Variants in ZNF654 observed in about 807,000 individuals in gnomAD.
ZNF654 encodes the protein zinc finger protein 654.
In ZNF654, 19 loss-of-function variants were observed where a neutral mutation model predicts 95.3. The ratio of observed to expected loss-of-function variants is 0.20; its 90% CI spans 0.14 to 0.29. The LOEUF (loss-of-function observed/expected upper bound fraction) is 0.29. Among genes scored for constraint, ZNF654 ranks in the 10% least tolerant of loss-of-function variants. The pLI is 1.00. For synonymous variants in ZNF654, 413 were observed against 457.9 expected (o/e 0.90, Z 1.25); for missense variants, 1,046 against 1,341.0 (o/e 0.78, Z 3.44).
intron 6 of ZNF654, among the ~76,000 whole-genome samples, chr3:88,132,328 A>C (rs1032876576): frequency 3.3e-5 from 5 of 152,148 alleles, no homozygotes; most frequent in Non-Finnish European, 5.9e-5. Context: ...ATTAGTAGTT[A>C]ATAGGGTCTT....
At position 88,059,439 on chromosome 3, in the gene ZNF654, T is replaced by TGGCAGCGGCAACTGCGGCGGCGGC; in HGVS notation, c.122_145dup (p.Gly41_Gly48dup). The TGGCAGCGGCAACTGCGGCGGCGGC allele has an allele frequency of 6.6e-7, 1 of 1,521,192 alleles. No individual in the cohort carries two copies. Among genetic ancestry groups the TGGCAGCGGCAACTGCGGCGGCGGC allele is most frequent in the Non-Finnish European group, 8.8e-7 (1 of 1,141,738 alleles). 94.2% of individuals were successfully genotyped at this position (1,521,192 alleles called of 1,614,324 possible). A position where few individuals can be genotyped will look rare whatever the true frequency, so the allele number is the denominator to read the frequency against. On this transcript the variant is annotated inframe_insertion, in exon 1 of 9. Coordinates refer to ENST00000636215, the MANE Select transcript of ZNF654 (RefSeq NM_001350134.2). ...CTGCGGGCGACGGCAGAGGCGGCGCTGGCAGCGGCAACTGCGGCGGCGGCG... is the reference window on the plus strand; with the variant it reads ...CTGCGGGCGACGGCAGAGGCGGCGCTGGCAGCGGCAACTGCGGCGGCGGCGGCAGCGGCAACTGCGGCGGCGGCG...
At chr3:88,121,776 T>G (rs1296600753) in intron 3 of ZNF654, among the ~76,000 whole-genome samples, 1 of 152,204 alleles carries the variant, frequency 6.6e-6, no homozygotes, top group Non-Finnish European at 1.5e-5. Context: ...TTAACCATAT[T>G]GAAGACCTTT....
At chr3:88,064,671 C>G (rs1192787129) in intron 1 of ZNF654, among the ~76,000 whole-genome samples, 1 of 152,132 alleles carries the variant, frequency 6.6e-6, no homozygotes, top group African/African-American at 2.4e-5. Context: ...CAGTTACCAC[C>G]CATCCATCTA....
At chr3:88,095,468 C>A in intron 2 of ZNF654, 1 of 392,304 alleles carries the variant, frequency 2.5e-6, no homozygotes, top group South Asian at 2.0e-5. Context: ...CATGCAACAT[C>A]AGTCTCTCTT....
chr3:88,134,186 C>G (rs748115660), intron 6 of ZNF654, among the ~76,000 whole-genome samples: 9 of 151,724 alleles, frequency 5.9e-5, no homozygotes, highest in African/African-American at 1.9e-4. Flanking sequence ...GGTTTTACTA[C>G]TCATATGTTG....
chr3:88,128,917 T>C lies in ZNF654; in HGVS notation c.659T>C (p.Ile220Thr). Residue 220 changes from isoleucine to threonine, a missense_variant, in exon 5 of 9, where the codon ATA becomes ACA. By Grantham distance (89) the Ile-to-Thr change is moderately conservative. Coordinates refer to ENST00000636215, the MANE Select transcript of ZNF654 (RefSeq NM_001350134.2). The stretch of plus-strand genomic sequence containing the variant: ...GCAATGGCTCTTATTAAATCTTGTA[T>C]AAATCACCCAGAAATCAGTAAAGAC... ...PEAMALIKSC[I>T]NHPEISKDLY... 1 of 1,535,674 alleles carries C rather than the reference T, an allele frequency of 6.5e-7. No individual in the cohort carries two copies. The highest frequency in any genetic ancestry group is 8.7e-7 in the Non-Finnish European group (1 of 1,146,580).
chr3:88,073,377 G>A (rs779221379), intron 1 of ZNF654, among the ~76,000 whole-genome samples: 4 of 152,118 alleles, frequency 2.6e-5, no homozygotes, highest in Admixed American at 6.6e-5. Context: ...AATTCTGTGG[G>A]ATAATACAGC....
At chr3:88,105,419 A>G (rs370473601) in intron 2 of ZNF654, among the ~76,000 whole-genome samples, 38 of 152,240 alleles carry the variant, frequency 2.5e-4, no homozygotes, top group East Asian at 9.6e-4. Flanking sequence ...TAGTCAGTCA[A>G]TTTGTCCTCT....
rs1707219522 is a variant in ZNF654, at chr3:88,143,405, CT to C, written c.*1754del. ...ATTAAAATCTTTTCTTTAAGGTCAG[CT>C]AAAAAAAATGTTTCCTGTATTTCTT... is the stretch of plus-strand genomic sequence containing the variant. On this transcript the variant is annotated 3_prime_UTR_variant, in exon 9 of 9. Coordinates refer to ENST00000636215, the MANE Select transcript of ZNF654 (RefSeq NM_001350134.2). The C allele has an allele frequency of 1.3e-5, 2 of 151,970 alleles. No homozygotes were observed. The highest frequency in any genetic ancestry group is 4.2e-4 in the South Asian group (2 of 4,812). The allele number at this position is 151,970 out of a possible 1,614,324, so 9.4% of individuals were successfully genotyped here.
chr3:88,060,772 A>AT (rs1706830952), intron 1 of ZNF654, among the ~76,000 whole-genome samples: 4 of 151,932 alleles, frequency 2.6e-5, no homozygotes, highest in Admixed American at 2.0e-4. Flanking sequence ...CTTGTAAGGG[A>AT]TTTTTTCAAT....
At chr3:88,087,166 C>T (rs185055227) in intron 2 of ZNF654, among the ~76,000 whole-genome samples, 2 of 152,246 alleles carry the variant, frequency 1.3e-5, no homozygotes, top group African/African-American at 4.8e-5. Context: ...GCAACCTCTA[C>T]CTCCCAGGTT....
intron 2 of ZNF654, among the ~76,000 whole-genome samples, chr3:88,090,676 G>C (rs1428894895): frequency 1.3e-5 from 2 of 152,128 alleles, no homozygotes; most frequent in African/African-American, 2.4e-5. Flanking sequence ...TTCACTCACT[G>C]ACACACCTAT....
intron 3 of ZNF654, among the ~76,000 whole-genome samples, chr3:88,121,227 C>T (rs554875871): frequency 2.0e-5 from 3 of 152,162 alleles, no homozygotes; most frequent in African/African-American, 7.2e-5. Context: ...ATTTGTATTC[C>T]TAAAGTCAAT....
At chr3:88,082,106 C>T (rs965088860) in intron 1 of ZNF654, among the ~76,000 whole-genome samples, 3 of 151,784 alleles carry the variant, frequency 2.0e-5, no homozygotes, top group Non-Finnish European at 2.9e-5. Context: ...GTAATTGTGA[C>T]ACGTCTTCTG....
intron 1 of ZNF654, among the ~76,000 whole-genome samples, chr3:88,075,311 T>C (rs891360075): frequency 6.6e-6 from 1 of 152,194 alleles, no homozygotes; most frequent in African/African-American, 2.4e-5. Context: ...TGTGTTCTGC[T>C]CTTGCATCTG....
chr3:88,081,796 T>C (rs535229298), intron 1 of ZNF654, among the ~76,000 whole-genome samples: 12 of 152,332 alleles, frequency 7.9e-5, no homozygotes, highest in African/African-American at 2.2e-4. Flanking sequence ...GTTCCTTTTA[T>C]TGGAGAATGG....
In ZNF654 at chr3:88,140,609, C is replaced by G. The variant is rs746479451; in HGVS notation, c.2940C>G (p.His980Gln). ...GTAGTAGTGATATAGTCAATGGACA[C>G]AGTGAAATAGAGCAAACACCTTTAG... ...NCSSSDIVNG[H>Q]SEIEQTPLVS... The change falls in exon 8 of 9, where the codon CAC becomes CAG. Residue 980 changes from histidine to glutamine, a missense_variant. By Grantham distance (24) the His-to-Gln change is conservative (BLOSUM62 0). Transcript: ENST00000636215. 2 of 1,613,658 alleles carry G rather than the reference C, an allele frequency of 1.2e-6. No homozygotes were observed. Among genetic ancestry groups the G allele is most frequent in the Non-Finnish European group, 1.7e-6 (2 of 1,179,704 alleles).
chr3:88,134,324 A>G (rs1295613663), intron 6 of ZNF654, among the ~76,000 whole-genome samples: 2 of 152,148 alleles, frequency 1.3e-5, no homozygotes, highest in East Asian at 1.9e-4. Flanking sequence ...TTTAAAAAAT[A>G]TTTTCATTAA....
At chr3:88,083,510 C>A (rs1199607857) in intron 1 of ZNF654, among the ~76,000 whole-genome samples, 1 of 152,164 alleles carries the variant, frequency 6.6e-6, no homozygotes, top group Non-Finnish European at 1.5e-5. Flanking sequence ...CCCTTTATAT[C>A]ATAGCGTGCT....
Sources: gnomAD v4.1 joint callset for allele counts (sites outside exome capture counted in the v4.1 genomes callset) on GRCh38, gnomAD v4.1.1 for gene constraint, MANE v1.5 for transcripts, NCBI Gene and HGNC (gene_info 2026-07-23, HGNC 2026-07-21) for gene names.